TBC1D1: variants seen among roughly 807,000 people sequenced by gnomAD.
The protein encoded by TBC1D1 is TBC1 (tre-2/USP6, BUB2, cdc16) domain family, member 1.
Under a neutral mutation model 125.6 loss-of-function variants are expected in TBC1D1, and 89 were observed. That is an observed-to-expected ratio of 0.71 (90% CI 0.60 to 0.85). The LOEUF (loss-of-function observed/expected upper bound fraction) is 0.85. Ranked by LOEUF, TBC1D1 falls within the 40% of genes least tolerant of loss-of-function variation. The probability of loss-of-function intolerance (pLI) is 0.00; values close to 1 mark genes in which losing one functional copy is unlikely to be tolerated. For missense variants in TBC1D1, 1,377 were observed against 1,469.2 expected (o/e 0.94, Z 1.03); for synonymous variants, 565 against 564.1 (o/e 1.00, Z -0.02).
intron 1 of TBC1D1, among the ~76,000 whole-genome samples, chr4:37,900,625 G>T (rs1306839927): frequency 3.3e-5 from 5 of 152,094 alleles, no homozygotes; most frequent in Non-Finnish European, 7.4e-5. Context: ...TGGGGCAGGG[G>T]CAGGGAGCTG....
chr4:37,998,214 C>G (rs943206574), intron 2 of TBC1D1, among the ~76,000 whole-genome samples: 1 of 152,170 alleles, frequency 6.6e-6, no homozygotes, highest in African/African-American at 2.4e-5. Flanking sequence ...GATGTATTCA[C>G]TCTGGGTGTG....
At chr4:37,927,332 A>T (rs191074296) in intron 2 of TBC1D1, among the ~76,000 whole-genome samples, 2 of 152,270 alleles carry the variant, frequency 1.3e-5, no homozygotes, top group East Asian at 3.9e-4. Context: ...AATTTTTACA[A>T]AATTGATTTT....
At chr4:38,011,131 C>CAAGACCGCCTCAAGTTCAAG in intron 2 of TBC1D1, among the ~76,000 whole-genome samples, 1 of 152,120 alleles carries the variant, frequency 6.6e-6, no homozygotes, top group African/African-American at 2.4e-5. Context: ...GCGGGTGGAT[C>CAAGACCGCCTCAAGTTCAAG]ACTTGAGGTC....
chr4:38,123,758 G>T (rs993847655), intron 17 of TBC1D1, among the ~76,000 whole-genome samples: 3 of 152,180 alleles, frequency 2.0e-5, no homozygotes, highest in African/African-American at 7.2e-5. Flanking sequence ...AGCTCACATG[G>T]TTAATTAAGG....
chr4:38,066,874 A>G (rs2152504526), intron 12 of TBC1D1, among the ~76,000 whole-genome samples: 1 of 152,188 alleles, frequency 6.6e-6, no homozygotes, highest in Middle Eastern at 3.4e-3. Context: ...GAGTACTAAC[A>G]AGATTTTTTT....
intron 12 of TBC1D1, among the ~76,000 whole-genome samples, chr4:38,071,252 A>C (rs1276458289): frequency 6.6e-6 from 1 of 151,390 alleles, no homozygotes; most frequent in Non-Finnish European, 1.5e-5. Flanking sequence ...CTCCCCACCC[A>C]CCCCTGGGAA....
chr4:38,053,141 ATTC>A (rs1448809357), intron 11 of TBC1D1: 2 of 1,533,112 alleles, frequency 1.3e-6, no homozygotes, highest in East Asian at 2.5e-5. Flanking sequence ...AAAAAACTTC[ATTC>A]TTCTTCCTCT....
At chr4:37,907,825 T>C (rs1413912421) in intron 2 of TBC1D1, among the ~76,000 whole-genome samples, 1 of 152,218 alleles carries the variant, frequency 6.6e-6, no homozygotes, top group Non-Finnish European at 1.5e-5. Flanking sequence ...TTCTCTCCAG[T>C]TCTTCAGCCT....
At chr4:37,944,625 C>T (rs1199970095) in intron 2 of TBC1D1, among the ~76,000 whole-genome samples, 2 of 152,312 alleles carry the variant, frequency 1.3e-5, no homozygotes, top group East Asian at 3.9e-4. Context: ...GGTGTGGAAC[C>T]CTTTGAGCCA....
chr4:37,984,943 G>A (rs530137457), intron 2 of TBC1D1, among the ~76,000 whole-genome samples: 2 of 151,988 alleles, frequency 1.3e-5, no homozygotes, highest in South Asian at 4.2e-4. Flanking sequence ...CCTTTATTTG[G>A]TTATATTTAT....
intron 1 of TBC1D1, among the ~76,000 whole-genome samples, chr4:37,897,015 A>G (rs1714779490): frequency 6.6e-6 from 1 of 152,142 alleles, no homozygotes; most frequent in South Asian, 2.1e-4. Flanking sequence ...GTGTACACAG[A>G]CAACTCTACT....
intron 2 of TBC1D1, among the ~76,000 whole-genome samples, chr4:37,970,363 C>T (rs1315694636): frequency 6.6e-6 from 1 of 152,212 alleles, no homozygotes; most frequent in Non-Finnish European, 1.5e-5. Flanking sequence ...ATCAAACTTA[C>T]ACTAACATTC....
rs150295101 is a variant in TBC1D1 at position 38,137,268 on chromosome 4, G to A, written c.3440G>A (p.Arg1147Gln). The A allele has an allele frequency of 1.5e-5, 24 of 1,611,662 alleles. No individual in the cohort carries two copies. The highest frequency in any genetic ancestry group is 9.4e-5 in the African/African-American group (7 of 74,840). ...CTGCTGCAGACGGTGGAGGAGCTGC[G>A]GCGGCGGAGCGCAGAGCCCAGCGAC... The change falls in exon 20 of 20, where the codon CGG (arginine) becomes CAG (glutamine). Residue 1147 changes from arginine (R) to glutamine (Q), a missense_variant. Arg to Gln is a conservative substitution (Grantham distance 43). Around this residue, in one of 3 missense-constraint regions of TBC1D1, gnomAD observed 543 missense variants for 613.5 expected, o/e 0.89. Coordinates refer to ENST00000261439, the MANE Select transcript of TBC1D1 (RefSeq NM_015173.4).
intron 19 of TBC1D1, among the ~76,000 whole-genome samples, chr4:38,135,058 C>A (rs549667454): frequency 6.6e-6 from 1 of 152,144 alleles, no homozygotes; most frequent in Non-Finnish European, 1.5e-5. Context: ...TGATCCCCTA[C>A]GAAAATATGC....
chr4:38,035,578 T>C lies in TBC1D1; in HGVS notation c.1303-10T>C. The C allele has an allele frequency of 6.2e-7, 1 of 1,604,846 alleles. No homozygotes were observed. Among genetic ancestry groups the C allele is most frequent in the Non-Finnish European group, 8.5e-7 (1 of 1,173,482 alleles). On this transcript the variant is annotated splice_polypyrimidine_tract_variant and intron_variant, in intron 7 of 19. Coordinates refer to ENST00000261439, the MANE Select transcript of TBC1D1 (RefSeq NM_015173.4). ...AAAAATAAATCCTGTTTCTGATTTT[T>C]GTTTTAAAGAAATTGAGACCGAGAA...
At chr4:38,132,277 G>T (rs1173430014) in intron 18 of TBC1D1, among the ~76,000 whole-genome samples, 1 of 152,144 alleles carries the variant, frequency 6.6e-6, no homozygotes, top group African/African-American at 2.4e-5. Context: ...GTGCTGAGAG[G>T]CCCCAGCCCC....
intron 13 of TBC1D1, among the ~76,000 whole-genome samples, chr4:38,091,148 G>C (rs558426094): frequency 1.3e-5 from 2 of 152,276 alleles, no homozygotes; most frequent in East Asian, 3.9e-4. Context: ...TGAAAAGTAC[G>C]AATTCATAGA....
chr4:38,089,256 G>C (rs1758033902), intron 12 of TBC1D1, among the ~76,000 whole-genome samples: 1 of 152,192 alleles, frequency 6.6e-6, no homozygotes, highest in Admixed American at 6.5e-5. Flanking sequence ...CTTGTCATCA[G>C]GATTAAATGA....
At chr4:37,973,727 A>G (rs943356754) in intron 2 of TBC1D1, among the ~76,000 whole-genome samples, 7 of 152,254 alleles carry the variant, frequency 4.6e-5, no homozygotes, top group African/African-American at 9.6e-5. Context: ...GAACTGGTTC[A>G]TACCAGCCCA....
Sources: allele counts gnomAD v4.1 joint callset (sites outside exome capture counted in the v4.1 genomes callset), GRCh38; gene constraint gnomAD v4.1.1; regional missense constraint gnomAD v4.1.1; transcripts MANE v1.5; gene names NCBI Gene and HGNC (gene_info 2026-07-23, HGNC 2026-07-21).